The following SLC4A4 variants were observed in gnomAD, a reference collection of about 807,000 sequenced individuals.
SLC4A4 encodes the protein electrogenic sodium bicarbonate cotransporter 1.
In SLC4A4, 27 loss-of-function variants were observed where a neutral mutation model predicts 111.5. The ratio of observed to expected loss-of-function variants is 0.24; its 90% CI spans 0.18 to 0.33. SLC4A4 has a LOEUF of 0.33. SLC4A4 is among the 10% of genes least tolerant of loss of function. The pLI is 1.00. For missense variants in SLC4A4, 909 were observed against 1,315.5 expected (o/e 0.69, Z 4.78); for synonymous variants, 443 against 463.4 (o/e 0.96, Z 0.57).
chr4:71,284,694 C>T (rs1377281), intron 3 of SLC4A4, among the ~76,000 whole-genome samples: 4,645 of 152,264 alleles, frequency 0.031, 249 homozygotes, highest in African/African-American at 0.11. Flanking sequence ...GTTTTTACAT[C>T]TTTTTGGCTG....
At chr4:71,252,745 G>A (rs1721150954) in intron 2 of SLC4A4, among the ~76,000 whole-genome samples, 1 of 152,196 alleles carries the variant, frequency 6.6e-6, no homozygotes, top group African/African-American at 2.4e-5. Flanking sequence ...TTAGACAGGA[G>A]TGGGAACAGA....
At chr4:71,314,812 A>G (rs1381778862) in intron 3 of SLC4A4, among the ~76,000 whole-genome samples, 1 of 152,004 alleles carries the variant, frequency 6.6e-6, no homozygotes, top group Non-Finnish European at 1.5e-5. Context: ...CAAATTCCTA[A>G]TGCATGTGGG....
chr4:71,434,580 A>T (rs1170366299), intron 7 of SLC4A4: 2 of 152,200 alleles, frequency 1.3e-5, no homozygotes, highest in Admixed American at 1.3e-4. Flanking sequence ...CTCAATTATG[A>T]TGGAAACTGG....
intron 8 of SLC4A4, among the ~76,000 whole-genome samples, chr4:71,446,411 A>G (rs1240963524): frequency 6.6e-6 from 1 of 152,224 alleles, no homozygotes; most frequent in African/African-American, 2.4e-5. Flanking sequence ...TGACCTATGG[A>G]AGACTTATGG....
In SLC4A4 at chr4:71,567,874, G is replaced by A; in HGVS notation, c.*123G>A. On this transcript the variant is annotated 3_prime_UTR_variant, in exon 26 of 26. Transcript: ENST00000264485. ...AATGATTATTTCTGGAGGAGCAAGG[G>A]AACAGAAACTACATTGTAACCTGTT... 1 of 1,517,742 alleles carries A rather than the reference G, an allele frequency of 6.6e-7. No individual in the cohort carries two copies. The allele number at this position is 1,517,742 out of a possible 1,614,324, so 94.0% of individuals were successfully genotyped here.
At chr4:71,136,214 G>A (rs1413453872) in intron 2 of SLC4A4, among the ~76,000 whole-genome samples, 1 of 152,166 alleles carries the variant, frequency 6.6e-6, no homozygotes, top group East Asian at 1.9e-4. Context: ...GTGCTCTAGG[G>A]CTAGGGAACT....
intron 2 of SLC4A4, among the ~76,000 whole-genome samples, chr4:71,123,067 T>C (rs1256938521): frequency 1.3e-5 from 2 of 152,044 alleles, no homozygotes; most frequent in African/African-American, 2.4e-5. Context: ...AAAAATACAA[T>C]ACCTGCGAAA....
chr4:71,117,976 G>C (rs1460269419), intron 2 of SLC4A4, among the ~76,000 whole-genome samples: 1 of 150,804 alleles, frequency 6.6e-6, no homozygotes, highest in Non-Finnish European at 1.5e-5. Flanking sequence ...TCTCAGGTTC[G>C]AGTGATTCTC....
At chr4:71,294,660 A>G (rs1436893078) in intron 3 of SLC4A4, among the ~76,000 whole-genome samples, 3 of 152,324 alleles carry the variant, frequency 2.0e-5, no homozygotes, top group South Asian at 2.1e-4. Flanking sequence ...TTTGCCATCA[A>G]TTACAGAAGA....
At chr4:71,443,876 G>T (rs1208650577) in intron 8 of SLC4A4, among the ~76,000 whole-genome samples, 2 of 152,170 alleles carry the variant, frequency 1.3e-5, no homozygotes, top group African/African-American at 4.8e-5. Context: ...TTGGGATGGA[G>T]ATCCTGCTAG....
chr4:71,111,076 C>A (rs6838934), intron 2 of SLC4A4, among the ~76,000 whole-genome samples: 1,887 of 152,188 alleles, frequency 0.012, 35 homozygotes, highest in African/African-American at 0.043. Flanking sequence ...TCTCAGTATG[C>A]CTAAAGGTTA....
chr4:71,339,585 C>A, intron 4 of SLC4A4, 80 bp downstream of exon 4: 2 of 1,424,156 alleles, frequency 1.4e-6, no homozygotes, highest in Non-Finnish European at 2.0e-6. Context: ...GAGTGCCGTT[C>A]TTTAGCCTTA....
rs1733929756 is a variant in SLC4A4, at chr4:71,531,744, C to T, written c.2167-318C>T. On this transcript the variant is annotated intron_variant, in intron 16 of 25. Coordinates refer to ENST00000264485, the MANE Select transcript of SLC4A4 (RefSeq NM_001098484.3). ...TCAGGGGTACGTTCTATTTGATTGC[C>T]CTCCCTGCCTACACACACACACACA... 1.4e-5 allele frequency among the ~76,000 whole-genome samples: 2 copies of T among 144,686 alleles called. 1 individual carries two copies. The highest frequency in any genetic ancestry group is 4.5e-4 in the South Asian group (2 of 4,472). The allele number at this position is 144,686 out of a possible 152,430, so 94.9% of individuals were successfully genotyped here. A position where few individuals can be genotyped will look rare whatever the true frequency, so the allele number is the denominator to read the frequency against.
intron 21 of SLC4A4, 58 bp from the exon 22 acceptor site, chr4:71,557,654 G>T: frequency 6.6e-7 from 1 of 1,506,006 alleles, no homozygotes; most frequent in Non-Finnish European, 9.2e-7. Context: ...GATTAGTTAG[G>T]CATAGTGGAA....
intron 3 of SLC4A4, among the ~76,000 whole-genome samples, chr4:71,307,585 C>G (rs1291866635): frequency 6.6e-6 from 1 of 152,164 alleles, no homozygotes; most frequent in Non-Finnish European, 1.5e-5. Flanking sequence ...GCAGCAGCAC[C>G]ACCATCATTG....
chr4:71,488,484 G>A (rs1352545786), intron 15 of SLC4A4, among the ~76,000 whole-genome samples: 3 of 151,562 alleles, frequency 2.0e-5, no homozygotes, highest in Non-Finnish European at 4.4e-5. Flanking sequence ...ACTATTTATA[G>A]AACACCTACT....
intron 1 of SLC4A4, among the ~76,000 whole-genome samples, chr4:71,087,877 T>C (rs1742236549): frequency 1.3e-5 from 2 of 152,032 alleles, no homozygotes; most frequent in South Asian, 4.1e-4. Flanking sequence ...AGAATGTATA[T>C]TCTGTTGATT....
At chr4:71,156,666 G>T (rs867617213) in intron 2 of SLC4A4, among the ~76,000 whole-genome samples, 1 of 151,676 alleles carries the variant, frequency 6.6e-6, no homozygotes, top group South Asian at 2.1e-4. Context: ...TATCAAAAGA[G>T]ATGTAACAGG....
intron 1 of SLC4A4, among the ~76,000 whole-genome samples, chr4:71,227,454 G>A (rs1397489763): frequency 6.6e-6 from 1 of 152,134 alleles, no homozygotes; most frequent in Non-Finnish European, 1.5e-5. Context: ...AGAAACCACT[G>A]GTGAGAAGGC....
Sources: gnomAD v4.1 joint callset for allele counts (sites outside exome capture counted in the v4.1 genomes callset) on GRCh38, gnomAD v4.1.1 for gene constraint, MANE v1.5 for transcripts, NCBI Gene and HGNC (gene_info 2026-07-23, HGNC 2026-07-21) for gene names.